Variants in PIEZO1 observed in about 807,000 individuals in gnomAD.
PIEZO1 encodes the protein piezo-type mechanosensitive ion channel component 1.
PIEZO1 carries 296 observed loss-of-function variants against 297.2 expected under a neutral mutation model. That is an observed-to-expected ratio of 1.00 (90% CI 0.91 to 1.10). The LOEUF (loss-of-function observed/expected upper bound fraction) is 1.10, where lower values mean the gene tolerates loss of function less well. Among genes scored for constraint, PIEZO1 ranks in the 50% least tolerant of loss-of-function variants. The pLI is 0.00. For missense variants in PIEZO1, 5,018 were observed against 3,455.5 expected (o/e 1.45, Z -11.34); for synonymous variants, 2,427 against 1,507.5 (o/e 1.61, Z -14.13).
rs1335895067 is a variant in PIEZO1, at chr16:88,725,385, G to A, written c.4162+31C>T. 8.7e-6 allele frequency: 11 copies of A among 1,270,738 alleles called. No individual in the cohort carries two copies. In the South Asian group the frequency reaches 1.2e-4, roughly 14 times the overall value. 78.7% of individuals were successfully genotyped at this position (1,270,738 alleles called of 1,614,324 possible). ...CAGGCACAGACATGCTGGACACGGG[G>A]CCCTGGGTGCCCGACTCCAGCTGCA... On this transcript the variant is annotated intron_variant, in intron 29 of 50. Coordinates refer to ENST00000301015, the MANE Select transcript of PIEZO1 (RefSeq NM_001142864.4).
intron 22 of PIEZO1, among the ~76,000 whole-genome samples, chr16:88,730,090 G>A (rs1188757134): frequency 2.6e-5 from 4 of 152,256 alleles, no homozygotes; most frequent in African/African-American, 4.8e-5. Context: ...GCTGGCCTCG[G>A]TGATGCTCGA....
Position 88,715,598 on chromosome 16 carries a change from G to T in PIEZO1, c.*7C>A. The T allele has an allele frequency of 6.5e-7, 1 of 1,548,122 alleles. No individual in the cohort carries two copies. The highest frequency in any genetic ancestry group is 8.7e-7 in the Non-Finnish European group (1 of 1,145,848). ...GCTCCTTCCCTCTCGGGCGCCAGCA[G>T]CAGCTCCTACTCCTTCTCACGAGTC... On this transcript the variant is annotated 3_prime_UTR_variant, in exon 51 of 51. Transcript: ENST00000301015.
At chr16:88,723,436 C>A in intron 31 of PIEZO1, 108 bp from the exon 32 acceptor site, 1 of 1,280,408 alleles carries the variant, frequency 7.8e-7, no homozygotes. Flanking sequence ...TGCTCTGTGT[C>A]TCCCAGGGAC....
rs144505038 is a variant in PIEZO1, at chr16:88,723,773, C to T, written c.4335+98G>A. ...TAACTGGAGGTGGAGGAGCTCGGCT[C>T]CCAGGCCCTGGGGGCATCTGACACC... On this transcript the variant is annotated intron_variant, in intron 31 of 50. Transcript: ENST00000301015. 685 of 684,360 alleles carry T rather than the reference C, an allele frequency of 1.0e-3. 4 individuals carry two copies. In the African/African-American group the frequency reaches 0.011, roughly 11 times the overall value. 42.4% of individuals were successfully genotyped at this position (684,360 alleles called of 1,614,324 possible).
chr16:88,757,238 G>C (rs1187346805), intron 1 of PIEZO1, among the ~76,000 whole-genome samples: 1 of 151,156 alleles, frequency 6.6e-6, no homozygotes, highest in Non-Finnish European at 1.5e-5. Context: ...GATGCATTGA[G>C]GTTAGGAGGA....
At position 88,719,624 on chromosome 16, in the gene PIEZO1, C is replaced by T. The variant is rs781566440; in HGVS notation, c.6421G>A (p.Asp2141Asn). The stretch of plus-strand genomic sequence containing the variant: ...ATGATGAAGATGTTGGCATAGATGT[C>T]CTCCACACACATCCAGCTGGACAGG... ...LSLSSWMCVE[D>N]IYANIFIIKC... The change falls in exon 44 of 51, where the codon GAC becomes AAC. Residue 2141 changes from aspartate (D) to asparagine (N), a missense_variant. Asp to Asn is a conservative substitution (Grantham distance 23, BLOSUM62 1). Transcript: ENST00000301015. The T allele has an allele frequency of 1.7e-5, 27 of 1,552,602 alleles. No homozygotes were observed. The highest frequency in any genetic ancestry group is 4.8e-5 in the South Asian group (4 of 84,156).
Position 88,733,288 on chromosome 16 carries a change from T to C in PIEZO1, c.2654A>G (p.Asn885Ser), listed in dbSNP as rs1904991954. The C allele has an allele frequency of 6.5e-7, 1 of 1,541,360 alleles. No individual in the cohort carries two copies. The highest frequency in any genetic ancestry group is 8.8e-7 in the Non-Finnish European group (1 of 1,139,472). ...KVVNPQEYSS[N>S]CTEPFPNSTN... ...CTCGGGGGCCGGTACCTCGGTGCAG[T>C]TGCTGGAATACTCCTGGGGGTTGAC... Residue 885 changes from asparagine to serine, a missense_variant, in exon 19 of 51, where the codon AAC becomes AGC. Transcript: ENST00000301015.
chr16:88,747,658 G>A (rs1202675778), intron 2 of PIEZO1, among the ~76,000 whole-genome samples: 7 of 152,238 alleles, frequency 4.6e-5, no homozygotes, highest in Admixed American at 4.6e-4. Context: ...CCCCAATGAT[G>A]CCTGCACCCC....
rs1466740393 is a variant in PIEZO1 at position 88,727,809 on chromosome 16, C to T, written c.3197-148G>A. 31 of 446,258 alleles carry T rather than the reference C, an allele frequency of 6.9e-5. No individual in the cohort carries two copies. The Admixed American group carries it at 1.1e-3, about 16-fold the overall frequency. The allele number at this position is 446,258 out of a possible 1,614,324, so 27.6% of individuals were successfully genotyped here. On this transcript the variant is annotated intron_variant, in intron 22 of 50. Transcript: ENST00000301015. Reference sequence around the variant, plus strand: ...CACCTGGTGTCTCGAGAACTGACAGCTCTAGTGTCCTGTGTGTTCACACAC... The same window carrying T: ...CACCTGGTGTCTCGAGAACTGACAGTTCTAGTGTCCTGTGTGTTCACACAC...
chr16:88,763,487 G>C (rs1452603002), intron 1 of PIEZO1, among the ~76,000 whole-genome samples: 1 of 152,206 alleles, frequency 6.6e-6, no homozygotes, highest in Non-Finnish European at 1.5e-5. Flanking sequence ...AGACCAACCT[G>C]GGCAACACAG....
At chr16:88,777,009 G>T (rs1293475241) in intron 1 of PIEZO1, among the ~76,000 whole-genome samples, 1 of 152,212 alleles carries the variant, frequency 6.6e-6, no homozygotes, top group East Asian at 1.9e-4. Context: ...TTTCGCTCTT[G>T]TTGCCCAGGC....
At chr16:88,745,892 T>G (rs1334955086) in intron 2 of PIEZO1, 1 of 152,190 alleles carries the variant, frequency 6.6e-6, no homozygotes, top group East Asian at 1.9e-4. Flanking sequence ...GCCGGAGCCC[T>G]TGGACCCCGG....
At chr16:88,720,818 C>T (rs909578757) in intron 39 of PIEZO1, 70 bp from the exon 40 acceptor site, 10 of 1,419,124 alleles carry the variant, frequency 7.0e-6, no homozygotes, top group Middle Eastern at 1.8e-4. Flanking sequence ...CCTGACCACC[C>T]TAAGAGGCTG....
At chr16:88,779,408 G>A (rs1369198027) in intron 1 of PIEZO1, among the ~76,000 whole-genome samples, 2 of 152,270 alleles carry the variant, frequency 1.3e-5, no homozygotes, top group African/African-American at 4.8e-5. Context: ...TTCTTTCCCC[G>A]CCTGTGCTCA....
At chr16:88,762,612 G>C (rs1906984011) in intron 1 of PIEZO1, among the ~76,000 whole-genome samples, 1 of 152,318 alleles carries the variant, frequency 6.6e-6, no homozygotes, top group Non-Finnish European at 1.5e-5. Context: ...ACCCGTGGCA[G>C]CCAAGGCAAG....
intron 22 of PIEZO1, among the ~76,000 whole-genome samples, chr16:88,729,749 C>A (rs1272802310): frequency 2.2e-5 from 3 of 138,170 alleles, no homozygotes; most frequent in African/African-American, 8.1e-5. Flanking sequence ...GACACAAAAA[C>A]AAAGTGACCC....
chr16:88,783,369 A>G (rs1231038092), intron 1 of PIEZO1, among the ~76,000 whole-genome samples: 1 of 152,224 alleles, frequency 6.6e-6, no homozygotes. Flanking sequence ...TGACATGAAA[A>G]TATTTACCAT....
At chr16:88,751,243 G>A (rs1441945412) in intron 1 of PIEZO1, among the ~76,000 whole-genome samples, 2 of 152,174 alleles carry the variant, frequency 1.3e-5, no homozygotes, top group African/African-American at 2.4e-5. Context: ...GGGAGACCCC[G>A]ACCTCCACGG....
Position 88,721,197 on chromosome 16 carries a change from C to T in PIEZO1, c.5637G>A (p.Glu1879=), listed in dbSNP as rs1269726950. 8.7e-6 allele frequency: 13 copies of T among 1,498,316 alleles called. No homozygotes were observed. The highest frequency in any genetic ancestry group is 5.6e-5 in the African/African-American group (4 of 70,844). 92.8% of individuals were successfully genotyped at this position (1,498,316 alleles called of 1,614,324 possible). The change falls in exon 39 of 51, where the codon GAG becomes GAA. Residue 1879 remains glutamate, a synonymous_variant. Transcript: ENST00000301015. The part of the protein sequence containing the change: ...ISLRFRRRKK[E]GPARKGAAAI... ...CTGCCGCTCCTTTCCGTGCTGGGCC[C>T]TCCTTCTTCCTTCTTCTAAAACGTA...
Sources: gnomAD v4.1 joint callset for allele counts (sites outside exome capture counted in the v4.1 genomes callset) on GRCh38, gnomAD v4.1.1 for gene constraint, MANE v1.5 for transcripts, NCBI Gene and HGNC (gene_info 2026-07-23, HGNC 2026-07-21) for gene names.